CLASP1: variants seen among roughly 807,000 people sequenced by gnomAD.
The protein encoded by CLASP1 is CLIP-associating protein 1.
A neutral mutation model predicts 192.3 loss-of-function variants in CLASP1; 38 were observed. That is an observed-to-expected ratio of 0.20 (90% CI 0.15 to 0.26). The LOEUF is 0.26. Ranked by LOEUF, CLASP1 falls within the 10% of genes least tolerant of loss-of-function variation. The pLI is 1.00. For missense variants in CLASP1, 1,433 were observed against 1,932.5 expected (o/e 0.74, Z 4.85); for synonymous variants, 691 against 712.8 (o/e 0.97, Z 0.49).
In CLASP1 at chr2:121,416,414, T is replaced by C. The variant is rs116130073; in HGVS notation, c.2320+2208A>G. On this transcript the variant is annotated intron_variant, in intron 23 of 39. Transcript: ENST00000263710. ...TAGAATATAAGTACTGTCATTCTTTTTGTTGTTGTTGTTGTTAAAGAGCTG... is the reference window on the plus strand; with the variant it reads ...TAGAATATAAGTACTGTCATTCTTTCTGTTGTTGTTGTTGTTAAAGAGCTG... Among the ~76,000 whole-genome samples the C allele has an allele frequency of 4.9e-3, 748 of 152,240 alleles. 9 individuals carry two copies. The highest frequency in any genetic ancestry group is 0.017 in the African/African-American group (725 of 41,550).
At chr2:121,402,088 A>T (rs2149464421) in intron 26 of CLASP1, among the ~76,000 whole-genome samples, 1 of 151,960 alleles carries the variant, frequency 6.6e-6, no homozygotes, top group East Asian at 1.9e-4. Context: ...TCTTTCTTAA[A>T]CAACAACAAA....
chr2:121,340,671 G>C (rs2062682953), exon 40 of CLASP1: 1 of 583,802 alleles, frequency 1.7e-6, no homozygotes, highest in African/African-American at 1.9e-5. Context: ...CTGCAATACA[G>C]GCCTTGCTTC....
intron 1 of CLASP1, among the ~76,000 whole-genome samples, chr2:121,646,971 C>T (rs1443084112): frequency 6.9e-6 from 1 of 144,190 alleles, no homozygotes; most frequent in East Asian, 2.1e-4. Context: ...ACCTGGGAGG[C>T]GGAGCTTGCA....
At chr2:121,423,225 G>A (rs1467594289) in intron 22 of CLASP1, among the ~76,000 whole-genome samples, 3 of 151,946 alleles carry the variant, frequency 2.0e-5, no homozygotes, top group East Asian at 1.9e-4. Context: ...AGCTCTACAC[G>A]TAACTGATCC....
intron 21 of CLASP1, among the ~76,000 whole-genome samples, chr2:121,426,983 C>T (rs1011433524): frequency 6.6e-6 from 1 of 151,846 alleles, no homozygotes; most frequent in African/African-American, 2.4e-5. Context: ...TTTGAAGCAA[C>T]ACTTACCTGT....
chr2:121,368,790 C>T (rs552994088), intron 34 of CLASP1, among the ~76,000 whole-genome samples: 60 of 152,340 alleles, frequency 3.9e-4, no homozygotes, highest in African/African-American at 1.4e-3. Flanking sequence ...TCACTTTGTG[C>T]TAATGCATTT....
At chr2:121,502,620 G>A (rs1165749069) in intron 8 of CLASP1, among the ~76,000 whole-genome samples, 2 of 152,198 alleles carry the variant, frequency 1.3e-5, no homozygotes, top group African/African-American at 2.4e-5. Flanking sequence ...CACAAAGAAC[G>A]ATTCAAATGA....
intron 2 of CLASP1, among the ~76,000 whole-genome samples, chr2:121,600,829 T>C (rs1356870359): frequency 6.6e-6 from 1 of 152,220 alleles, no homozygotes; most frequent in African/African-American, 2.4e-5. Context: ...CTCCTTCACA[T>C]GGTCACATGC....
chr2:121,397,363 A>G, intron 29 of CLASP1, 80 bp from the exon 31 acceptor site: 2 of 1,278,266 alleles, frequency 1.6e-6, no homozygotes. Flanking sequence ...GCCAGAGAAA[A>G]GTAAACCCTG....
intron 2 of CLASP1, among the ~76,000 whole-genome samples, chr2:121,585,867 T>A (rs1488889189): frequency 1.4e-5 from 2 of 145,038 alleles, no homozygotes; most frequent in African/African-American, 5.1e-5. Context: ...GCCACAGCAC[T>A]CCAGCCTGAG....
intron 19 of CLASP1, among the ~76,000 whole-genome samples, chr2:121,441,617 G>A (rs2083357064): frequency 6.6e-6 from 1 of 152,044 alleles, no homozygotes. Context: ...TGTAGTCCCA[G>A]CTACTCTGAC....
At chr2:121,585,357 A>C (rs1007190808) in intron 2 of CLASP1, among the ~76,000 whole-genome samples, 19 of 152,200 alleles carry the variant, frequency 1.2e-4, no homozygotes, top group Non-Finnish European at 2.4e-4. Context: ...GGTTACAAAA[A>C]ACAACAGATG....
chr2:121,628,208 A>C (rs2106189255), intron 1 of CLASP1, among the ~76,000 whole-genome samples: 1 of 152,376 alleles, frequency 6.6e-6, no homozygotes, highest in South Asian at 2.1e-4. Flanking sequence ...TAACAATGTT[A>C]GTATAAACTG....
Position 121,579,664 on chromosome 2 carries a change from G to C in CLASP1, c.195+26037C>G, listed in dbSNP as rs1240429757. ...AACTCCACATGTACCATTATGCATT[G>C]AGGAAGATAAATAAGCATCTTCCTC... On this transcript the variant is annotated intron_variant, in intron 2 of 39. Transcript: ENST00000263710. Among the ~76,000 whole-genome samples, 3 of 152,086 alleles carry C rather than the reference G, an allele frequency of 2.0e-5. No homozygotes were observed. In the South Asian group the frequency reaches 6.2e-4, roughly 32 times the overall value.
intron 37 of CLASP1, 104 bp from the exon 39 acceptor site, chr2:121,348,822 G>A: frequency 2.9e-6 from 3 of 1,043,598 alleles, no homozygotes; most frequent in Non-Finnish European, 4.1e-6. Context: ...TGACCTCAAT[G>A]TCAGACGGCA....
At position 121,440,055 on chromosome 2, in the gene CLASP1, C is replaced by G. The variant is rs551815869; in HGVS notation, c.1912+7282G>C. On this transcript the variant is annotated intron_variant, in intron 19 of 39. Transcript: ENST00000263710. ...ATATGTAACTAACCTGCACAATGTG[C>G]ACATGTACCCTAAAACTTAAAGTAT... 6.6e-4 allele frequency among the ~76,000 whole-genome samples: 93 copies of G among 140,040 alleles called. 1 individual carries two copies. The highest frequency in any genetic ancestry group is 2.4e-3 in the African/African-American group (89 of 37,020). The allele number at this position is 140,040 out of a possible 152,430, so 91.9% of individuals were successfully genotyped here.
At chr2:121,430,015 G>A in intron 20 of CLASP1, 58 bp downstream of exon 20, 1 of 1,284,364 alleles carries the variant, frequency 7.8e-7, no homozygotes, top group South Asian at 1.3e-5. Flanking sequence ...ATGTTCAACT[G>A]CAGAATGAGC....
intron 1 of CLASP1, among the ~76,000 whole-genome samples, chr2:121,614,081 A>G (rs1037860943): frequency 6.6e-6 from 1 of 152,194 alleles, no homozygotes; most frequent in East Asian, 1.9e-4. Context: ...TAGTGGCTGG[A>G]GCACTCCAAG....
chr2:121,543,941 G>A (rs924717111), intron 2 of CLASP1, among the ~76,000 whole-genome samples: 1 of 152,110 alleles, frequency 6.6e-6, no homozygotes, highest in African/African-American at 2.4e-5. Context: ...AATATTTTGA[G>A]GCAAATATCA....
Sources: gnomAD v4.1 joint callset for allele counts (sites outside exome capture counted in the v4.1 genomes callset) on GRCh38, gnomAD v4.1.1 for gene constraint, MANE v1.5 for transcripts, NCBI Gene and HGNC (gene_info 2026-07-23, HGNC 2026-07-21) for gene names.